Variants in PTPN13 observed in about 807,000 individuals in gnomAD.
The protein encoded by PTPN13 is tyrosine-protein phosphatase non-receptor type 13.
A neutral mutation model predicts 284.0 loss-of-function variants in PTPN13; 191 were observed. The ratio of observed to expected loss-of-function variants is 0.67; its 90% CI spans 0.60 to 0.76. The LOEUF is 0.76. Ranked by LOEUF, PTPN13 falls within the 30% of genes least tolerant of loss-of-function variation. The pLI, the probability that PTPN13 is intolerant of heterozygous loss-of-function variation, is 0.00. For synonymous variants in PTPN13, 986 were observed against 1,022.3 expected, an observed-to-expected ratio of 0.96 and a Z score of 0.68; for missense variants, 2,797 against 2,939.9, an observed-to-expected ratio of 0.95 and a Z score of 1.12.
Position 86,693,579 on chromosome 4 carries a change from G to C in PTPN13, c.547-8G>C, listed in dbSNP as rs375111467. On this transcript the variant is annotated splice_region_variant and splice_polypyrimidine_tract_variant and intron_variant, in intron 5 of 47. Coordinates refer to ENST00000411767, the MANE Select transcript of PTPN13 (RefSeq NM_080683.3). The stretch of plus-strand genomic sequence containing the variant: ...TGTCAAACTTGATTTTTTATTACCT[G>C]TGTACAGACAGATCAGCTTTCCTGT... The C allele has an allele frequency of 1.7e-5, 26 of 1,535,442 alleles. No individual in the cohort carries two copies. Among genetic ancestry groups the C allele is most frequent in the Non-Finnish European group, 2.2e-5 (25 of 1,134,384 alleles).
intron 20 of PTPN13, among the ~76,000 whole-genome samples, chr4:86,755,735 A>G (rs1737891864): frequency 6.6e-6 from 1 of 152,048 alleles, no homozygotes; most frequent in African/African-American, 2.4e-5. Context: ...GATTTTGTCC[A>G]ACTATAAGTT....
At chr4:86,703,599 G>T (rs1023379575) in intron 7 of PTPN13, among the ~76,000 whole-genome samples, 2 of 151,970 alleles carry the variant, frequency 1.3e-5, no homozygotes, top group Non-Finnish European at 2.9e-5. Flanking sequence ...AGGCATGGTG[G>T]GTCACACCTG....
chr4:86,637,333 G>A (rs903755499), intron 2 of PTPN13, among the ~76,000 whole-genome samples: 50 of 152,090 alleles, frequency 3.3e-4, no homozygotes, highest in Non-Finnish European at 5.7e-4. Flanking sequence ...ATTTTATGAG[G>A]CCAGCATCAT....
chr4:86,612,254 G>A (rs1719981482), intron 1 of PTPN13, among the ~76,000 whole-genome samples: 1 of 151,956 alleles, frequency 6.6e-6, no homozygotes, highest in African/African-American at 2.4e-5. Flanking sequence ...CAAAGAAGCA[G>A]GAAAATATGA....
chr4:86,611,201 C>T (rs989172229), intron 1 of PTPN13, among the ~76,000 whole-genome samples: 1 of 152,224 alleles, frequency 6.6e-6, no homozygotes, highest in African/African-American at 2.4e-5. Flanking sequence ...TGTAGAAAGT[C>T]AATCACTTTG....
chr4:86,776,713 ATCCTACAGTT>A (rs1406937572), intron 35 of PTPN13, among the ~76,000 whole-genome samples: 2 of 152,236 alleles, frequency 1.3e-5, no homozygotes, highest in African/African-American at 4.8e-5. Context: ...ACATTACATT[ATCCTACAGTT>A]GGACAAAATC....
chr4:86,602,789 C>T (rs987097695), intron 1 of PTPN13, among the ~76,000 whole-genome samples: 1 of 151,738 alleles, frequency 6.6e-6, no homozygotes, highest in Non-Finnish European at 1.5e-5. Flanking sequence ...CTCCCATGCT[C>T]AACTGATCCT....
At chr4:86,740,503 G>A (rs968804962) in intron 15 of PTPN13, among the ~76,000 whole-genome samples, 1 of 152,134 alleles carries the variant, frequency 6.6e-6, no homozygotes. Context: ...ACTCTACACA[G>A]CAGAGGGACC....
chr4:86,689,077 T>G lies in PTPN13; in HGVS notation c.433T>G (p.Ser145Ala), dbSNP rs750719347. Reference protein sequence around the residue: ...MCEDVIYARVSVRTVLDACSA... With the variant: ...MCEDVIYARVAVRTVLDACSA... ...TGAGGATGTTATTTACGCTCGAGTT[T>G]CTGTTCGGACTGTGCTGGATGCTTG... The change falls in exon 5 of 48, where the codon TCT (serine) becomes GCT (alanine). Residue 145 changes from serine (S) to alanine (A), a missense_variant. Ser to Ala is a moderately conservative substitution (Grantham distance 99). Coordinates refer to ENST00000411767, the MANE Select transcript of PTPN13 (RefSeq NM_080683.3). The G allele has an allele frequency of 4.4e-6, 7 of 1,598,910 alleles. No individual in the cohort carries two copies. Among genetic ancestry groups the G allele is most frequent in the South Asian group, 3.3e-5 (3 of 90,800 alleles).
intron 40 of PTPN13, among the ~76,000 whole-genome samples, chr4:86,794,504 A>C (rs1743086091): frequency 6.6e-6 from 1 of 152,204 alleles, no homozygotes; most frequent in African/African-American, 2.4e-5. Flanking sequence ...TGCTATCCCC[A>C]TCAAGCTACC....
chr4:86,767,652 C>T (rs1739487514), intron 27 of PTPN13, among the ~76,000 whole-genome samples, 165 bp from the exon 28 acceptor site: 1 of 151,820 alleles, frequency 6.6e-6, no homozygotes. Context: ...ACTTTCAACC[C>T]CTTGCTTTTG....
Position 86,814,461 on chromosome 4 carries a change from A to G in PTPN13, c.7368A>G (p.Gln2456=), listed in dbSNP as rs201774157. ...CTCACTTTTTTTGGCCATAGGATCA[A>G]TATATTTTCTGCTATCAAGTCATCC... is the stretch of plus-strand genomic sequence containing the variant. ...QRHGMVQTED[Q]YIFCYQVILY... is the part of the protein sequence containing the mutation. Residue 2456 remains glutamine, a synonymous_variant, in exon 48 of 48, where the codon CAA becomes CAG. Coordinates refer to ENST00000411767, the MANE Select transcript of PTPN13 (RefSeq NM_080683.3). 9.9e-4 allele frequency: 1,594 copies of G among 1,608,604 alleles called. 5 individuals are homozygous for G. The highest frequency in any genetic ancestry group is 1.3e-3 in the Non-Finnish European group (1,511 of 1,175,666).
chr4:86,726,997 A>G (rs1469771278), intron 10 of PTPN13, among the ~76,000 whole-genome samples: 1 of 149,506 alleles, frequency 6.7e-6, no homozygotes, highest in African/African-American at 2.4e-5. Flanking sequence ...ACCAATACCT[A>G]GTTTATTGAG....
chr4:86,691,041 G>A (rs893154499), intron 5 of PTPN13, among the ~76,000 whole-genome samples: 8 of 151,950 alleles, frequency 5.3e-5, no homozygotes, highest in Admixed American at 3.3e-4. Flanking sequence ...TAAAGGAAAA[G>A]GATACAAATT....
At chr4:86,729,679 T>G (rs1734719522) in intron 10 of PTPN13, among the ~76,000 whole-genome samples, 1 of 149,844 alleles carries the variant, frequency 6.7e-6, no homozygotes, top group African/African-American at 2.4e-5. Flanking sequence ...TGCCATGGTT[T>G]TCTGCTCCAT....
At chr4:86,607,408 T>C (rs1764873926) in intron 1 of PTPN13, among the ~76,000 whole-genome samples, 2 of 151,994 alleles carry the variant, frequency 1.3e-5, no homozygotes, top group South Asian at 4.1e-4. Context: ...AGGTACTATT[T>C]GAATATTATT....
chr4:86,754,527 G>T (rs539053627), intron 20 of PTPN13, among the ~76,000 whole-genome samples: 1 of 151,954 alleles, frequency 6.6e-6, no homozygotes, highest in African/African-American at 2.4e-5. Context: ...AAAGCATAGA[G>T]AGTTAAGTTG....
chr4:86,762,388 G>A (rs554438706), intron 23 of PTPN13, among the ~76,000 whole-genome samples: 3 of 152,052 alleles, frequency 2.0e-5, no homozygotes, highest in Admixed American at 6.5e-5. Context: ...TAAAGTAAGT[G>A]TGCAAATAAC....
chr4:86,800,275 CTTATT>C (rs1743865283), intron 42 of PTPN13, among the ~76,000 whole-genome samples: 1 of 151,690 alleles, frequency 6.6e-6, no homozygotes, highest in South Asian at 2.1e-4. Context: ...TTTAATTCGT[CTTATT>C]TTATATCAGG....
Sources: allele counts gnomAD v4.1 joint callset (sites outside exome capture counted in the v4.1 genomes callset), GRCh38; gene constraint gnomAD v4.1.1; transcripts MANE v1.5; gene names NCBI Gene and HGNC (gene_info 2026-07-23, HGNC 2026-07-21).